Variants in ACYP2 observed in about 807,000 individuals in gnomAD.
The protein encoded by ACYP2 is acylphosphatase-2.
Under a neutral mutation model 11.2 loss-of-function variants are expected in ACYP2, and 12 were observed. That is an observed-to-expected ratio of 1.08 (90% CI 0.69 to 1.74). The LOEUF is 1.74. Ranked by LOEUF, ACYP2 falls within the 40% of genes most tolerant of loss-of-function variation. The pLI is 0.00. For synonymous variants in ACYP2, 43 were observed against 32.2 expected, an observed-to-expected ratio of 1.33 and a Z score of -1.13; for missense variants, 134 against 101.9, an observed-to-expected ratio of 1.31 and a Z score of -1.35.
chr2:54,145,544 T>C lies in ACYP2; in HGVS notation c.404+6796T>C, dbSNP rs1681841772. Among the ~76,000 whole-genome samples the C allele has an allele frequency of 2.6e-5, 4 of 152,088 alleles. 1 individual carries two copies. The highest frequency in any genetic ancestry group is 2.6e-4 in the Admixed American group (4 of 15,268). The stretch of plus-strand genomic sequence containing the variant: ...AATAGAGAAAAAAGGACAGTGAAGC[T>C]CATGTGCCCATTACCCACTTTCAAT... On this transcript the variant is annotated intron_variant, in intron 6 of 6. Coordinates refer to ENST00000607452, the MANE Select transcript of ACYP2 (RefSeq NM_001320586.2).
At chr2:53,984,419 A>T (rs907587769) in intron 2 of ACYP2, among the ~76,000 whole-genome samples, 2 of 151,694 alleles carry the variant, frequency 1.3e-5, no homozygotes, top group Admixed American at 1.3e-4. Context: ...CTCTACTCAA[A>T]ATACAAAATT....
chr2:54,003,868 T>C (rs1228527176), intron 2 of ACYP2, among the ~76,000 whole-genome samples: 1 of 152,092 alleles, frequency 6.6e-6, no homozygotes, highest in Non-Finnish European at 1.5e-5. Flanking sequence ...ACAATGAGAG[T>C]TTCTGTTGAT....
At chr2:54,254,872 T>G (rs1465029616) in intron 6 of ACYP2, 3 of 1,570,900 alleles carry the variant, frequency 1.9e-6, no homozygotes, top group African/African-American at 1.4e-5. Flanking sequence ...CAGGTCCAGC[T>G]GGTGGTGGCA....
intron 6 of ACYP2, among the ~76,000 whole-genome samples, chr2:54,278,346 T>G (rs1240018200): frequency 1.3e-5 from 2 of 152,252 alleles, no homozygotes; most frequent in South Asian, 4.1e-4. Context: ...AGACTTACCC[T>G]ATCTTCATTT....
chr2:54,082,312 C>T (rs1677705689), intron 4 of ACYP2, among the ~76,000 whole-genome samples: 1 of 149,138 alleles, frequency 6.7e-6, no homozygotes, highest in Non-Finnish European at 1.5e-5. Flanking sequence ...GTGGTGTGGT[C>T]TCGGCTCACT....
intron 4 of ACYP2, among the ~76,000 whole-genome samples, chr2:54,087,097 G>A (rs185889157): frequency 1.7e-4 from 26 of 152,248 alleles, no homozygotes; most frequent in African/African-American, 6.0e-4. Context: ...ACACTATTGT[G>A]TTTAAGGTAT....
At chr2:54,115,436 C>T (rs1679693173) in intron 4 of ACYP2, 179 bp from the exon 1 acceptor site, 3 of 787,964 alleles carry the variant, frequency 3.8e-6, no homozygotes, top group Non-Finnish European at 5.7e-6. Context: ...GAGACAGCAT[C>T]CTCCCCAGTC....
At chr2:54,114,292 T>C (rs1679616735) in intron 4 of ACYP2, among the ~76,000 whole-genome samples, 1 of 151,522 alleles carries the variant, frequency 6.6e-6, no homozygotes, top group African/African-American at 2.4e-5. Context: ...TGGTTTTATA[T>C]TAAAACTTGG....
intron 4 of ACYP2, chr2:54,084,515 C>A (rs1677840676): frequency 6.6e-6 from 1 of 152,220 alleles, no homozygotes; most frequent in African/African-American, 2.4e-5. Context: ...TGGTCTCGAA[C>A]TCCTGACCTC....
intron 4 of ACYP2, among the ~76,000 whole-genome samples, chr2:54,086,392 G>A (rs1265969469): frequency 6.6e-6 from 1 of 152,150 alleles, no homozygotes; most frequent in Non-Finnish European, 1.5e-5. Context: ...AGTGAGCTGT[G>A]GGGAGGACTT....
At position 54,051,036 on chromosome 2, in the gene ACYP2, C is replaced by G. The variant is rs751153215; in HGVS notation, c.141C>G (p.Cys47Trp). The G allele has an allele frequency of 1.1e-5, 5 of 473,332 alleles. No individual in the cohort carries two copies. Among genetic ancestry groups the G allele is most frequent in the Non-Finnish European group, 1.8e-5 (5 of 270,690 alleles). The allele number at this position is 473,332 out of a possible 1,614,324, so 29.3% of individuals were successfully genotyped here. A position where few individuals can be genotyped will look rare whatever the true frequency, so the allele number is the denominator to read the frequency against. ...TATCCTCCTGCCTCGGCCTCCCATG[C>G]TGTTGGGATTACAGGTGAGAACCAC... The change falls in exon 3 of 7, where the codon TGC (cysteine) becomes TGG (tryptophan). Residue 47 changes from cysteine (C) to tryptophan (W), a missense_variant. Transcript: ENST00000607452.
chr2:54,109,168 A>G (rs114286481), intron 4 of ACYP2, among the ~76,000 whole-genome samples: 2 of 152,316 alleles, frequency 1.3e-5, no homozygotes, highest in African/African-American at 4.8e-5. Flanking sequence ...TCAATCAATG[A>G]GTAGATAAAG....
chr2:54,177,912 T>C (rs1384038830), intron 6 of ACYP2, among the ~76,000 whole-genome samples: 1 of 148,562 alleles, frequency 6.7e-6, no homozygotes, highest in African/African-American at 2.5e-5. Flanking sequence ...TTTATTTTTT[T>C]TTTTTTTTTT....
At chr2:54,069,855 A>G (rs997699886) in intron 4 of ACYP2, among the ~76,000 whole-genome samples, 2 of 152,248 alleles carry the variant, frequency 1.3e-5, no homozygotes, top group Non-Finnish European at 2.9e-5. Context: ...ATGTGTTTAA[A>G]AACATTAGTC....
chr2:54,057,212 T>C (rs1168327410), intron 3 of ACYP2: 1 of 397,398 alleles, frequency 2.5e-6, no homozygotes, highest in East Asian at 3.6e-5. Context: ...AACTTTTTCT[T>C]ACTGTTCTCA....
intron 4 of ACYP2, among the ~76,000 whole-genome samples, chr2:54,083,466 G>A (rs1048617599): frequency 6.6e-6 from 1 of 152,152 alleles, no homozygotes; most frequent in African/African-American, 2.4e-5. Context: ...ATGTTCGATT[G>A]GGACAAAACC....
At chr2:54,100,461 C>A (rs1678833351) in intron 4 of ACYP2, among the ~76,000 whole-genome samples, 2 of 151,870 alleles carry the variant, frequency 1.3e-5, no homozygotes, top group Non-Finnish European at 2.9e-5. Context: ...CCCCACCACA[C>A]CTGGCTAATT....
At chr2:54,224,729 G>A (rs1448009238) in intron 6 of ACYP2, among the ~76,000 whole-genome samples, 2 of 152,048 alleles carry the variant, frequency 1.3e-5, no homozygotes, top group Non-Finnish European at 2.9e-5. Context: ...CGTCTGCCTA[G>A]GCATTTGGCT....
chr2:53,997,601 C>T (rs1442182607), intron 2 of ACYP2, among the ~76,000 whole-genome samples: 3 of 152,060 alleles, frequency 2.0e-5, no homozygotes, highest in South Asian at 2.1e-4. Flanking sequence ...CCACCGCACC[C>T]GGCCATATTT....
Sources: gnomAD v4.1 joint callset for allele counts (sites outside exome capture counted in the v4.1 genomes callset) on GRCh38, gnomAD v4.1.1 for gene constraint, MANE v1.5 for transcripts, NCBI Gene and HGNC (gene_info 2026-07-23, HGNC 2026-07-21) for gene names.